DDX27: variants seen among roughly 807,000 people sequenced by gnomAD.
DDX27 encodes the protein probable ATP-dependent RNA helicase DDX27.
In DDX27, 42 loss-of-function variants were observed where a neutral mutation model predicts 99.3. The observed-to-expected ratio is 0.42, with a 90% CI of 0.33 to 0.55. DDX27 has a LOEUF of 0.55. Ranked by LOEUF, DDX27 falls within the 20% of genes least tolerant of loss-of-function variation. The pLI is 0.07. For synonymous variants in DDX27, 329 were observed against 353.8 expected, an observed-to-expected ratio of 0.93 and a Z score of 0.79; for missense variants, 798 against 976.8, an observed-to-expected ratio of 0.82 and a Z score of 2.44.
chr20:49,235,192 A>G (rs911768393), intron 12 of DDX27, 104 bp downstream of exon 12: 40 of 1,320,816 alleles, frequency 3.0e-5, no homozygotes, highest in Non-Finnish European at 4.1e-5. Flanking sequence ...TTAGCAGGGG[A>G]CACATAGCAT....
Position 49,237,003 on chromosome 20 carries a change from C to T in DDX27, c.1687+493C>T, listed in dbSNP as rs568735805. Among the ~76,000 whole-genome samples the T allele has an allele frequency of 2.3e-4, 35 of 152,268 alleles. No homozygotes were observed. The East Asian group carries it at 6.6e-3, about 29-fold the overall frequency. ...GCCGGGATTAACAGTAATGAGCCACCATGCCCAGCCTTAAAAATTTTTAAA... is the reference window on the plus strand; with the variant it reads ...GCCGGGATTAACAGTAATGAGCCACTATGCCCAGCCTTAAAAATTTTTAAA... On this transcript the variant is annotated intron_variant, in intron 14 of 20. Coordinates refer to ENST00000618172, the MANE Select transcript of DDX27 (RefSeq NM_017895.8).
intron 9 of DDX27, among the ~76,000 whole-genome samples, chr20:49,231,880 C>T (rs1438940903): frequency 1.7e-5 from 2 of 120,628 alleles, no homozygotes; most frequent in Non-Finnish European, 3.6e-5. Context: ...GGGGCCTTTT[C>T]GTTCCTTTTT....
In DDX27 at chr20:49,233,607, CGGATATT is replaced by C; in HGVS notation, c.1172_1178del (p.Arg391LeufsTer2). 1 of 1,614,012 alleles carries C rather than the reference CGGATATT, an allele frequency of 6.2e-7. No individual in the cohort carries two copies. Among genetic ancestry groups the C allele is most frequent in the Non-Finnish European group, 8.5e-7 (1 of 1,179,928 alleles). Reference sequence around the variant, plus strand: ...TTCTGTCTCCTTGAAGAATCCTGTCCGGATATTTGTGAACAGCAACACAGATGTGGCT... The same window carrying C: ...TTCTGTCTCCTTGAAGAATCCTGTCCTGTGAACAGCAACACAGATGTGGCT... On this transcript the variant is annotated frameshift_variant, in exon 11 of 21. Transcript: ENST00000618172. LOFTEE classifies it high-confidence loss of function.
rs1481037346 is a variant in DDX27, at chr20:49,230,181, G to C, written c.881-18G>C. 6.2e-7 allele frequency: 1 copy of C among 1,602,698 alleles called. No individual in the cohort carries two copies. Among genetic ancestry groups the C allele is most frequent in the African/African-American group, 1.3e-5 (1 of 74,972 alleles). On this transcript the variant is annotated intron_variant, in intron 8 of 20. Transcript: ENST00000618172. ...GCAGCTGACCTGGCCGCCTGGTGGG[G>C]CTCTCTTCTCTTTGCAGGCGGCTTG...
At chr20:49,221,803 A>G (rs1169093018) in intron 2 of DDX27, among the ~76,000 whole-genome samples, 1 of 144,784 alleles carries the variant, frequency 6.9e-6, no homozygotes, top group Non-Finnish European at 1.5e-5. Context: ...CAAATGACTC[A>G]CTGTCTTTTT....
intron 6 of DDX27, among the ~76,000 whole-genome samples, chr20:49,225,895 ACGACACCTCCTGG>A (rs1490548002): frequency 1.3e-5 from 2 of 151,832 alleles, no homozygotes; most frequent in Non-Finnish European, 2.9e-5. Flanking sequence ...GCCCTCTCTG[ACGACACCTCCTGG>A]CACTCGTTCT....
chr20:49,226,489 G>A lies in DDX27; in HGVS notation c.660G>A (p.Val220=). 2 of 1,614,034 alleles carry A rather than the reference G, an allele frequency of 1.2e-6. No individual in the cohort carries two copies. The highest frequency in any genetic ancestry group is 1.7e-6 in the Non-Finnish European group (2 of 1,179,988). ...CGATCCAGAAGGCGTGCATACCTGT[G>A]GGTCTATTGGGGAAGGACATCTGTG... The part of the protein sequence containing the change: ...PTPIQKACIP[V]GLLGKDICAC... Residue 220 remains valine, a synonymous_variant, in exon 7 of 21, where the codon GTG becomes GTA. Transcript: ENST00000618172.
At chr20:49,224,435 T>C (rs1979803739) in intron 4 of DDX27, among the ~76,000 whole-genome samples, 2 of 150,006 alleles carry the variant, frequency 1.3e-5, no homozygotes, top group South Asian at 4.2e-4. Flanking sequence ...CAATTTCAGC[T>C]CACTGCAACC....
At chr20:49,242,261 G>A in intron 18 of DDX27, 55 bp downstream of exon 18, 1 of 1,598,306 alleles carries the variant, frequency 6.3e-7, no homozygotes, top group Non-Finnish European at 8.5e-7. Context: ...TGAAACCTGT[G>A]CTTTGGGTCA....
intron 12 of DDX27, chr20:49,235,414 G>A (rs1028790922): frequency 1.2e-4 from 27 of 233,140 alleles, no homozygotes; most frequent in Non-Finnish European, 3.3e-5. Flanking sequence ...GAACATTCCT[G>A]GGTCTGATTG....
At chr20:49,235,964 C>T (rs563816921) in intron 12 of DDX27, 186 bp from the exon 13 acceptor site, 83 of 430,234 alleles carry the variant, frequency 1.9e-4, no homozygotes, top group African/African-American at 1.5e-3. Context: ...AGGATGGTCT[C>T]GATCTCCTGA....
intron 11 of DDX27, 188 bp from the exon 12 acceptor site, chr20:49,234,747 C>T: frequency 1.7e-6 from 1 of 588,356 alleles, no homozygotes; most frequent in East Asian, 3.2e-5. Context: ...CACTCTCTCT[C>T]ACAGCATTTT....
At chr20:49,239,772 C>T (rs238158) in intron 16 of DDX27, among the ~76,000 whole-genome samples, 127,827 of 152,168 alleles carry the variant, frequency 0.84, 54,134 homozygotes, top group African/African-American at 0.93. Context: ...GATGCCAGTG[C>T]TCTTTGAATT....
chr20:49,229,786 T>C (rs1357745697), intron 8 of DDX27, among the ~76,000 whole-genome samples: 2 of 152,166 alleles, frequency 1.3e-5, no homozygotes, highest in East Asian at 3.9e-4. Flanking sequence ...GCTGGAATTA[T>C]AGGTGTGCAC....
chr20:49,234,041 T>C, intron 11 of DDX27: 1 of 280,082 alleles, frequency 3.6e-6, no homozygotes, highest in Non-Finnish European at 6.9e-6. Flanking sequence ...CCACTCGGCC[T>C]TTTGTGACTC....
At chr20:49,223,061 T>C in intron 3 of DDX27, 45 bp downstream of exon 3, 1 of 1,554,112 alleles carries the variant, frequency 6.4e-7, no homozygotes, top group Non-Finnish European at 8.9e-7. Context: ...GCCCACTCTT[T>C]ACTCTCACCA....
chr20:49,235,490 C>T (rs924606026), intron 12 of DDX27: 20 of 166,616 alleles, frequency 1.2e-4, no homozygotes, highest in Admixed American at 3.0e-4. Flanking sequence ...CACTGTGCTG[C>T]GTGCTTTCCA....
At chr20:49,225,302 C>A in intron 6 of DDX27, 103 bp downstream of exon 6, 2 of 976,220 alleles carry the variant, frequency 2.0e-6, no homozygotes, top group Non-Finnish European at 3.3e-6. Context: ...CTTGCCTCAA[C>A]CTCCCAGAGT....
In DDX27 at chr20:49,226,909, C is replaced by T. The variant is rs561759255; in HGVS notation, c.706+374C>T. Among the ~76,000 whole-genome samples, 257 of 132,218 alleles carry T rather than the reference C, an allele frequency of 1.9e-3. 1 individual carries two copies. Among genetic ancestry groups the T allele is most frequent in the African/African-American group, 7.1e-3 (239 of 33,870 alleles). 86.7% of individuals were successfully genotyped at this position (132,218 alleles called of 152,430 possible). On this transcript the variant is annotated intron_variant, in intron 7 of 20. Transcript: ENST00000618172. ...ACGGAGTCTCGCTCTGTCGCCCAGG[C>T]TGGAGTGCAGTGGCGGGATCTCGGC... is the stretch of plus-strand genomic sequence containing the variant.
Sources: allele counts gnomAD v4.1 joint callset (sites outside exome capture counted in the v4.1 genomes callset), GRCh38; gene constraint gnomAD v4.1.1; transcripts MANE v1.5; gene names NCBI Gene and HGNC (gene_info 2026-07-23, HGNC 2026-07-21).